Variants in LRP1B observed in about 807,000 individuals in gnomAD.
LRP1B encodes the protein LDL receptor related protein 1B.
LRP1B carries 217 observed loss-of-function variants against 556.6 expected under a neutral mutation model. That is an observed-to-expected ratio of 0.39 (90% CI 0.35 to 0.44). LRP1B has a LOEUF of 0.44. Among genes scored for constraint, LRP1B ranks in the 20% least tolerant of loss-of-function variants. The pLI is 1.00. For synonymous variants in LRP1B, 2,047 were observed against 1,865.8 expected, an observed-to-expected ratio of 1.10 and a Z score of -2.50; for missense variants, 5,053 against 5,620.8, an observed-to-expected ratio of 0.90 and a Z score of 3.23.
intron 41 of LRP1B, among the ~76,000 whole-genome samples, chr2:140,684,141 T>C (rs554807858): frequency 6.6e-6 from 1 of 152,336 alleles, no homozygotes; most frequent in South Asian, 2.1e-4. Flanking sequence ...TATAAGTAAA[T>C]GTCTCATGCT....
At chr2:141,735,815 T>C (rs944833659) in intron 2 of LRP1B, among the ~76,000 whole-genome samples, 3 of 152,138 alleles carry the variant, frequency 2.0e-5, no homozygotes, top group Non-Finnish European at 4.4e-5. Flanking sequence ...CAGCTTGATC[T>C]AGACTTAGCT....
chr2:140,766,845 TATA>T (rs1689132206), intron 35 of LRP1B, among the ~76,000 whole-genome samples: 3 of 42,070 alleles, frequency 7.1e-5, no homozygotes, highest in African/African-American at 1.3e-4. Context: ...ATATATATAT[TATA>T]TATATATATA....
intron 1 of LRP1B, among the ~76,000 whole-genome samples, chr2:141,984,169 T>A (rs557697836): frequency 7.3e-5 from 11 of 150,338 alleles, no homozygotes; most frequent in East Asian, 5.8e-4. Context: ...GAGTTTTTTT[T>A]AAATTATACT....
chr2:141,956,574 T>A (rs1052966595), intron 1 of LRP1B, among the ~76,000 whole-genome samples: 3 of 151,354 alleles, frequency 2.0e-5, no homozygotes, highest in Admixed American at 1.3e-4. Flanking sequence ...ATGCCCAGAA[T>A]TTTAAAATAT....
At chr2:140,344,070 G>C (rs1681530934) in intron 77 of LRP1B, among the ~76,000 whole-genome samples, 1 of 151,700 alleles carries the variant, frequency 6.6e-6, no homozygotes, top group Non-Finnish European at 1.5e-5. Context: ...TGAATATGTA[G>C]AGCTTATTTT....
In LRP1B at chr2:140,900,614, T is replaced by C. The variant is rs567575483; in HGVS notation, c.3766+2306A>G. On this transcript the variant is annotated intron_variant, in intron 23 of 90. Coordinates refer to ENST00000389484, the MANE Select transcript of LRP1B (RefSeq NM_018557.3). ...CAATAATATCTGAAAGAATATAGTA[T>C]CTATTAACTGCATATTATTTTCCCA... Among the ~76,000 whole-genome samples the C allele has an allele frequency of 7.9e-5, 12 of 152,274 alleles. No homozygotes were observed. The South Asian group carries it at 2.3e-3, about 29-fold the overall frequency.
intron 2 of LRP1B, among the ~76,000 whole-genome samples, chr2:141,528,702 G>T (rs1479952306): frequency 6.6e-6 from 1 of 151,992 alleles, no homozygotes; most frequent in Non-Finnish European, 1.5e-5. Flanking sequence ...ATTAGAACTA[G>T]GGTAAAAATC....
At chr2:141,077,042 C>T (rs528448853) in intron 7 of LRP1B, among the ~76,000 whole-genome samples, 47 of 152,150 alleles carry the variant, frequency 3.1e-4, no homozygotes, top group Admixed American at 2.5e-3. Flanking sequence ...GCCAGGAGTT[C>T]GAGACCAGCC....
At chr2:141,465,354 A>G (rs1412799757) in intron 3 of LRP1B, among the ~76,000 whole-genome samples, 2 of 152,236 alleles carry the variant, frequency 1.3e-5, no homozygotes, top group East Asian at 3.9e-4. Context: ...AAATGGAAAA[A>G]AAAATAAGGA....
intron 62 of LRP1B, among the ~76,000 whole-genome samples, chr2:140,454,887 T>C (rs771589512): frequency 2.6e-5 from 4 of 152,192 alleles, no homozygotes; most frequent in Non-Finnish European, 5.9e-5. Context: ...TGTTCTATTT[T>C]TAGTTGGCTA....
At chr2:142,044,757 C>A (rs1358515111) in intron 1 of LRP1B, among the ~76,000 whole-genome samples, 1 of 148,266 alleles carries the variant, frequency 6.7e-6, no homozygotes, top group Non-Finnish European at 1.5e-5. Flanking sequence ...GATACAGAAG[C>A]ACTCTGATAC....
At chr2:140,842,606 C>T (rs971378108) in intron 29 of LRP1B, among the ~76,000 whole-genome samples, 1 of 146,086 alleles carries the variant, frequency 6.8e-6, no homozygotes, top group African/African-American at 2.5e-5. Context: ...CCAATTTCAT[C>T]TTTTTTTTTT....
At chr2:140,996,811 G>T (rs892254222) in intron 15 of LRP1B, among the ~76,000 whole-genome samples, 1 of 151,752 alleles carries the variant, frequency 6.6e-6, no homozygotes, top group Non-Finnish European at 1.5e-5. Flanking sequence ...AAAGACAAAG[G>T]GATATGTAGA....
chr2:140,630,277 G>A (rs898017700), intron 41 of LRP1B, among the ~76,000 whole-genome samples: 1 of 152,162 alleles, frequency 6.6e-6, no homozygotes, highest in Admixed American at 6.5e-5. Flanking sequence ...AGAGCATAGT[G>A]ATTAAGAGTA....
rs543281261 is a variant in LRP1B, at chr2:140,233,304, A to G, written c.13682T>C (p.Val4561Ala). Residue 4561 changes from valine (V) to alanine (A), a missense_variant, in exon 91 of 91, where the codon GTA becomes GCA. By Grantham distance (64) the Val-to-Ala change is moderately conservative. This residue lies in a region of LRP1B where 551 missense variants were observed against 592.0 expected (regional missense o/e 0.93). Coordinates refer to ENST00000389484, the MANE Select transcript of LRP1B (RefSeq NM_018557.3). ...CCCATCCATATATAATTTTGCATAT[A>G]CCGGATTGGAGTAATTTGTTGGCTG... ...TAGPTNYSNP[V>A]YAKLYMDGQN... The G allele has an allele frequency of 1.3e-6, 2 of 1,599,526 alleles. No homozygotes were observed. The highest frequency in any genetic ancestry group is 2.3e-5 in the East Asian group (1 of 44,294).
intron 3 of LRP1B, among the ~76,000 whole-genome samples, chr2:141,304,230 T>A (rs898809904): frequency 5.9e-5 from 9 of 152,246 alleles, no homozygotes; most frequent in South Asian, 2.1e-4. Flanking sequence ...TTTACTCTGA[T>A]GATTGTTTCC....
intron 1 of LRP1B, among the ~76,000 whole-genome samples, chr2:141,869,153 G>A (rs569761318): frequency 3.1e-4 from 47 of 152,194 alleles, no homozygotes; most frequent in Admixed American, 2.3e-3. Flanking sequence ...AGTGCCATCC[G>A]ATAGAATGTG....
In LRP1B at chr2:141,940,436, C is replaced by T. The variant is rs566254003; in HGVS notation, c.83-130035G>A. On this transcript the variant is annotated intron_variant, in intron 1 of 90. Coordinates refer to ENST00000389484, the MANE Select transcript of LRP1B (RefSeq NM_018557.3). ...GGAAGAAATCTAATATGCTGAAATG[C>T]TGATAACTATTCATGTAATTCACAA... Among the ~76,000 whole-genome samples, 19 of 152,212 alleles carry T rather than the reference C, an allele frequency of 1.2e-4. No homozygotes were observed. In the South Asian group the frequency reaches 2.5e-3, roughly 20 times the overall value.
intron 10 of LRP1B, among the ~76,000 whole-genome samples, chr2:141,051,792 T>A (rs1373729079): frequency 1.3e-5 from 2 of 152,094 alleles, no homozygotes; most frequent in African/African-American, 4.8e-5. Context: ...GTGATTAATA[T>A]TATTTTTATT....
Sources: allele counts gnomAD v4.1 joint callset (sites outside exome capture counted in the v4.1 genomes callset), GRCh38; gene constraint gnomAD v4.1.1; regional missense constraint gnomAD v4.1.1; transcripts MANE v1.5; gene names NCBI Gene and HGNC (gene_info 2026-07-23, HGNC 2026-07-21).